Variants in IMMP2L observed in about 807,000 individuals in gnomAD.
The protein encoded by IMMP2L is inner mitochondrial membrane peptidase subunit 2.
IMMP2L carries 18 observed loss-of-function variants against 19.3 expected under a neutral mutation model. The observed-to-expected ratio is 0.93, with a 90% CI of 0.64 to 1.38. The LOEUF is 1.38. Among genes scored for constraint, IMMP2L ranks in the 40% most tolerant of loss-of-function variants. The probability of loss-of-function intolerance (pLI) is 0.00; values close to 1 mark genes in which losing one functional copy is unlikely to be tolerated. For missense variants in IMMP2L, 233 were observed against 218.2 expected (o/e 1.07, Z -0.43); for synonymous variants, 76 against 73.0 (o/e 1.04, Z -0.21).
intron 5 of IMMP2L, among the ~76,000 whole-genome samples, chr7:110,721,265 T>A (rs1016642835): frequency 2.0e-5 from 3 of 152,078 alleles, no homozygotes; most frequent in African/African-American, 7.2e-5. Context: ...AAGTCTCACA[T>A]TGTTCAGGGT....
chr7:111,325,552 T>G (rs1825221790), intron 3 of IMMP2L, among the ~76,000 whole-genome samples: 1 of 151,746 alleles, frequency 6.6e-6, no homozygotes, highest in African/African-American at 2.4e-5. Context: ...TTTTAATCTT[T>G]CCATTATTTT....
At chr7:111,493,662 G>A (rs1338546706) in intron 2 of IMMP2L, among the ~76,000 whole-genome samples, 2 of 150,608 alleles carry the variant, frequency 1.3e-5, no homozygotes, top group East Asian at 2.0e-4. Context: ...CGGAGATCGC[G>A]CCACTGCACT....
chr7:110,723,784 A>G (rs1288170555), intron 5 of IMMP2L, among the ~76,000 whole-genome samples: 2 of 151,916 alleles, frequency 1.3e-5, no homozygotes, highest in African/African-American at 4.8e-5. Flanking sequence ...TGTAACCTTC[A>G]ACTACAGTCT....
In IMMP2L at chr7:110,864,147, GT is replaced by G. The variant is rs1311798622; in HGVS notation, c.408+22445del. ...GAAAGACCCGTTCCATGTTTCAAAA[GT>G]TTCTAATGTCTTGCATTATACTTAT... On this transcript the variant is annotated intron_variant, in intron 5 of 5. Transcript: ENST00000405709. 2.6e-5 allele frequency among the ~76,000 whole-genome samples: 4 copies of G among 152,180 alleles called. No homozygotes were observed. In the East Asian group the frequency reaches 7.8e-4, roughly 29 times the overall value.
At chr7:111,109,937 C>T (rs1213933800) in intron 3 of IMMP2L, among the ~76,000 whole-genome samples, 3 of 152,058 alleles carry the variant, frequency 2.0e-5, no homozygotes, top group Admixed American at 1.3e-4. Flanking sequence ...AGTTCAAGAC[C>T]GGCCTGATCA....
chr7:111,041,379 G>A (rs1316093075), intron 3 of IMMP2L, among the ~76,000 whole-genome samples: 4 of 151,884 alleles, frequency 2.6e-5, no homozygotes, highest in Admixed American at 1.3e-4. Context: ...CTTAAAATGT[G>A]TCTTTGTGGC....
At chr7:111,195,159 A>G (rs971799929) in intron 3 of IMMP2L, among the ~76,000 whole-genome samples, 1 of 152,110 alleles carries the variant, frequency 6.6e-6, no homozygotes, top group African/African-American at 2.4e-5. Context: ...TTCCATTTAT[A>G]TTTACATAAA....
At chr7:111,175,280 A>G (rs1483062961) in intron 3 of IMMP2L, among the ~76,000 whole-genome samples, 1 of 151,880 alleles carries the variant, frequency 6.6e-6, no homozygotes, top group East Asian at 1.9e-4. Flanking sequence ...GCCACATTCA[A>G]GAAGAAAACA....
intron 3 of IMMP2L, among the ~76,000 whole-genome samples, chr7:111,446,739 T>A (rs954639405): frequency 1.3e-5 from 2 of 152,206 alleles, no homozygotes; most frequent in African/African-American, 4.8e-5. Context: ...GAGGAACGCT[T>A]CAGACGATCA....
intron 5 of IMMP2L, among the ~76,000 whole-genome samples, chr7:110,824,500 G>A (rs1015790136): frequency 6.6e-6 from 1 of 152,124 alleles, no homozygotes; most frequent in African/African-American, 2.4e-5. Context: ...CTGACTAGCT[G>A]GACCACAGGC....
chr7:110,739,827 A>C (rs183603766), intron 5 of IMMP2L, among the ~76,000 whole-genome samples: 94 of 152,326 alleles, frequency 6.2e-4, no homozygotes, highest in Non-Finnish European at 9.1e-4. Context: ...AACAAGTCTC[A>C]TTAAATTTAA....
At chr7:110,842,544 T>C (rs2131459011) in intron 5 of IMMP2L, among the ~76,000 whole-genome samples, 1 of 152,294 alleles carries the variant, frequency 6.6e-6, no homozygotes, top group South Asian at 2.1e-4. Context: ...GGCTCTATTG[T>C]TGTACGTGGC....
chr7:111,282,553 AT>A (rs1284806961), intron 3 of IMMP2L, among the ~76,000 whole-genome samples: 1 of 152,142 alleles, frequency 6.6e-6, no homozygotes, highest in Non-Finnish European at 1.5e-5. Context: ...TGATTCAACA[AT>A]AATAGTTGGA....
intron 3 of IMMP2L, among the ~76,000 whole-genome samples, chr7:111,215,021 C>T (rs764452596): frequency 2.7e-4 from 41 of 152,148 alleles, no homozygotes; most frequent in Admixed American, 5.2e-4. Flanking sequence ...ACTATGCCCT[C>T]ATTCCCACAT....
chr7:111,033,388 C>T (rs1446328786), intron 3 of IMMP2L, among the ~76,000 whole-genome samples: 1 of 148,518 alleles, frequency 6.7e-6, no homozygotes, highest in Non-Finnish European at 1.5e-5. Context: ...CAAAGTGGCA[C>T]AGCCACTTTG....
At position 111,561,966 on chromosome 7, in the gene IMMP2L, T is replaced by C. The variant is rs554982365; in HGVS notation, c.-118A>G. Reference sequence around the variant, plus strand: ...CAGACAGACACGTGCTTTAAAATCATGTTGTTCAAGCCTGACGCTCTCCCA... The same window carrying C: ...CAGACAGACACGTGCTTTAAAATCACGTTGTTCAAGCCTGACGCTCTCCCA... On this transcript the variant is annotated 5_prime_UTR_variant, in exon 1 of 6. It removes an upstream start codon present in the reference 5' UTR. Coordinates refer to ENST00000405709, the MANE Select transcript of IMMP2L (RefSeq NM_032549.4). 3.9e-4 allele frequency: 59 copies of C among 152,762 alleles called. No individual in the cohort carries two copies. The highest frequency in any genetic ancestry group is 1.4e-3 in the African/African-American group (58 of 41,578). The allele number at this position is 152,762 out of a possible 1,614,324, so 9.5% of individuals were successfully genotyped here.
intron 3 of IMMP2L, among the ~76,000 whole-genome samples, chr7:111,447,351 C>G (rs745929476): frequency 7.1e-6 from 1 of 141,522 alleles, no homozygotes; most frequent in Admixed American, 7.0e-5. Flanking sequence ...AGACTAACAG[C>G]GGATCTCTCG....
chr7:110,828,493 A>C (rs1165427133), intron 5 of IMMP2L, among the ~76,000 whole-genome samples: 1 of 152,166 alleles, frequency 6.6e-6, no homozygotes, highest in Admixed American at 6.6e-5. Context: ...TATGATCAAT[A>C]ATGGCCCTCC....
intron 3 of IMMP2L, among the ~76,000 whole-genome samples, chr7:111,291,143 A>G (rs2129669321): frequency 6.6e-6 from 1 of 152,278 alleles, no homozygotes; most frequent in East Asian, 1.9e-4. Context: ...TATCATTTCT[A>G]GATAAAAAGA....
Sources: allele counts gnomAD v4.1 joint callset (sites outside exome capture counted in the v4.1 genomes callset), GRCh38; gene constraint gnomAD v4.1.1; transcripts MANE v1.5; gene names NCBI Gene and HGNC (gene_info 2026-07-23, HGNC 2026-07-21).